The following VPS8 variants were observed in gnomAD, a reference collection of about 807,000 sequenced individuals.
The protein encoded by VPS8 is VPS8 subunit of CORVET complex, also known as vacuolar protein sorting-associated protein 8 homolog.
In VPS8, 129 loss-of-function variants were observed where a neutral mutation model predicts 216.4. That is an observed-to-expected ratio of 0.60 (90% confidence interval 0.52 to 0.69). The LOEUF is 0.69. VPS8 is among the 30% of genes least tolerant of loss of function. VPS8 has a pLI of 0.00. For missense variants in VPS8, 1,531 were observed against 1,683.5 expected (o/e 0.91, Z 1.59); for synonymous variants, 571 against 565.4 (o/e 1.01, Z -0.14).
At chr3:184,825,370 A>AT (rs147504687) in intron 2 of VPS8, among the ~76,000 whole-genome samples, 3,584 of 151,146 alleles carry the variant, frequency 0.024, 129 homozygotes, top group African/African-American at 0.082. Context: ...CTTGCACAGC[A>AT]TTTTTTTTTC....
At chr3:185,030,658 T>G (rs1354673737) in intron 46 of VPS8, among the ~76,000 whole-genome samples, 1 of 152,214 alleles carries the variant, frequency 6.6e-6, no homozygotes, top group Non-Finnish European at 1.5e-5. Context: ...CTCAGCACAT[T>G]TACATGTTAA....
chr3:184,981,974 T>C (rs1364917371), intron 40 of VPS8, among the ~76,000 whole-genome samples: 4 of 151,882 alleles, frequency 2.6e-5, no homozygotes, highest in African/African-American at 9.7e-5. Flanking sequence ...TTTTTTTTAA[T>C]CTCTTGACAT....
intron 21 of VPS8, among the ~76,000 whole-genome samples, chr3:184,872,897 A>G (rs1728605337): frequency 1.3e-5 from 2 of 152,172 alleles, no homozygotes; most frequent in Admixed American, 1.3e-4. Flanking sequence ...ATGTTGAAAG[A>G]AGGTTCTATC....
At chr3:184,863,410 T>TA (rs1194526905) in intron 16 of VPS8, among the ~76,000 whole-genome samples, 1 of 152,196 alleles carries the variant, frequency 6.6e-6, no homozygotes, top group Non-Finnish European at 1.5e-5. Flanking sequence ...TTGGCAGTAA[T>TA]AAGCCTGATA....
Position 184,971,698 on chromosome 3 carries a change from G to C in VPS8, c.3366G>C (p.Glu1122Asp), listed in dbSNP as rs1050754673. 6.2e-7 allele frequency: 1 copy of C among 1,613,422 alleles called. No individual in the cohort carries two copies. The highest frequency in any genetic ancestry group is 2.2e-5 in the East Asian group (1 of 44,870). The change falls in exon 40 of 48, where the codon GAG (glutamate) becomes GAC (aspartate). Residue 1122 changes from glutamate to aspartate, a missense_variant. Transcript: ENST00000625842. Reference sequence around the variant, plus strand: ...AGGATGTTGAAGATACTATGGTGGAGACCATTGCTCTTTGCCAGAGAAATT... The same window carrying C: ...AGGATGTTGAAGATACTATGGTGGACACCATTGCTCTTTGCCAGAGAAATT... The part of the protein sequence containing the change: ...SLKDVEDTMV[E>D]TIALCQRNSH...
At chr3:185,031,953 C>T (rs547319771) in intron 46 of VPS8, among the ~76,000 whole-genome samples, 1 of 152,246 alleles carries the variant, frequency 6.6e-6, no homozygotes, top group Admixed American at 6.5e-5. Flanking sequence ...CACTTGAGGT[C>T]AGGAGTTCGA....
At chr3:184,898,364 G>A (rs962017377) in intron 23 of VPS8, among the ~76,000 whole-genome samples, 2 of 152,168 alleles carry the variant, frequency 1.3e-5, no homozygotes, top group African/African-American at 4.8e-5. Flanking sequence ...TAAAGTAAGC[G>A]TTGTACTATT....
At chr3:184,969,537 C>T (rs1333380294) in intron 39 of VPS8, among the ~76,000 whole-genome samples, 1 of 149,896 alleles carries the variant, frequency 6.7e-6, no homozygotes, top group Non-Finnish European at 1.5e-5. Flanking sequence ...TCAAGCGATC[C>T]TCCTGCCTCA....
At chr3:185,038,900 C>T (rs1759262895) in intron 46 of VPS8, among the ~76,000 whole-genome samples, 1 of 152,164 alleles carries the variant, frequency 6.6e-6, no homozygotes, top group Non-Finnish European at 1.5e-5. Context: ...CAGTGCACAG[C>T]CTCCAGGGTA....
intron 42 of VPS8, among the ~76,000 whole-genome samples, chr3:184,984,183 C>CAAAAAAAAAAAAAAAAAAAAAAAA (rs1453935100): frequency 0.042 from 120 of 2,886 alleles, 59 homozygotes; most frequent in Middle Eastern, 0.2. Context: ...GACTCCGTCT[C>CAAAAAAAAAAAAAAAAAAAAAAAA]AAAAAAAAAA....
chr3:184,881,997 A>G (rs1026643185), intron 21 of VPS8, among the ~76,000 whole-genome samples: 11 of 151,312 alleles, frequency 7.3e-5, no homozygotes, highest in Admixed American at 4.6e-4. Flanking sequence ...GGGATATTCT[A>G]TGTGGACACT....
chr3:184,911,421 A>G (rs1736506512), intron 25 of VPS8, among the ~76,000 whole-genome samples: 1 of 152,222 alleles, frequency 6.6e-6, no homozygotes, highest in East Asian at 1.9e-4. Flanking sequence ...ACAAGTCTCA[A>G]TTTAGAGGTT....
chr3:185,024,187 A>C, intron 45 of VPS8, 149 bp from the exon 46 acceptor site: 1 of 718,606 alleles, frequency 1.4e-6, no homozygotes, highest in African/African-American at 1.8e-5. Context: ...AAGGGGACTT[A>C]ACACAAAATC....
At chr3:184,859,906 T>C (rs1359331050) in intron 14 of VPS8, 79 bp from the exon 15 acceptor site, 1 of 986,696 alleles carries the variant, frequency 1.0e-6, no homozygotes, top group Non-Finnish European at 1.6e-6. Context: ...TGTGATACTC[T>C]AGGTGGAGTA....
At position 184,936,302 on chromosome 3, in the gene VPS8, T is replaced by C. The variant is rs1034976020; in HGVS notation, c.2955T>C (p.Ser985=). The part of the protein sequence containing the change: ...KAAELVATHF[S]GHIETVIKKL... ...CGGAGCTGGTTGCCACCCACTTTTC[T>C]GGACATATTGAAACGGTCATTAAAA... is the stretch of plus-strand genomic sequence containing the variant. Residue 985 remains serine, a synonymous_variant, in exon 35 of 48, where the codon TCT becomes TCC. Transcript: ENST00000625842. 1 of 1,611,872 alleles carries C rather than the reference T, an allele frequency of 6.2e-7. No homozygotes were observed. The highest frequency in any genetic ancestry group is 1.3e-5 in the African/African-American group (1 of 74,904).
intron 1 of VPS8, among the ~76,000 whole-genome samples, chr3:184,819,801 C>A (rs1244056624): frequency 2.0e-5 from 3 of 152,204 alleles, no homozygotes; most frequent in Non-Finnish European, 4.4e-5. Context: ...CTACTACCTA[C>A]TGTTGAGCAG....
intron 13 of VPS8, 69 bp downstream of exon 13, chr3:184,854,242 C>T: frequency 1.3e-6 from 2 of 1,526,620 alleles, no homozygotes; most frequent in Non-Finnish European, 1.8e-6. Flanking sequence ...AGATGGCTTG[C>T]AAGGGGTGAA....
intron 2 of VPS8, 107 bp downstream of exon 2, chr3:184,824,892 G>A (rs768010669): frequency 3.1e-5 from 34 of 1,079,890 alleles, no homozygotes; most frequent in Non-Finnish European, 3.7e-5. Context: ...GGGTTAATAG[G>A]AGTCTGTGTA....
intron 15 of VPS8, among the ~76,000 whole-genome samples, 184 bp downstream of exon 15, chr3:184,860,249 G>C (rs185702275): frequency 6.6e-6 from 1 of 152,006 alleles, no homozygotes; most frequent in East Asian, 1.9e-4. Flanking sequence ...AGCTGGGATA[G>C]CTTAAGCCCA....
Sources: gnomAD v4.1 joint callset for allele counts (sites outside exome capture counted in the v4.1 genomes callset) on GRCh38, gnomAD v4.1.1 for gene constraint, MANE v1.5 for transcripts, NCBI Gene and HGNC (gene_info 2026-07-23, HGNC 2026-07-21) for gene names.